The following KLF8 variants were observed in gnomAD, a reference collection of about 807,000 sequenced individuals.
The protein encoded by KLF8 is KLF transcription factor 8, also known as Krueppel-like factor 8.
KLF8 carries 10 observed loss-of-function variants against 18.2 expected under a neutral mutation model. That is an observed-to-expected ratio of 0.55 (90% CI 0.34 to 0.93). KLF8 has a LOEUF of 0.93. Ranked by LOEUF, KLF8 falls within the 40% of genes least tolerant of loss-of-function variation. The pLI is 0.02. For missense variants in KLF8, 264 were observed against 277.9 expected, an observed-to-expected ratio of 0.95 and a Z score of 0.36; for synonymous variants, 109 against 97.3, an observed-to-expected ratio of 1.12 and a Z score of -0.71.
At chrX:56,106,933 TC>T in the KLF8 span, among the ~76,000 whole-genome samples, 1 of 112,233 alleles carries the variant, frequency 8.9e-6, no homozygotes, top group Non-Finnish European at 1.9e-5. Context: ...TTGATGCTAT[TC>T]CTTTCTGTTT....
At chrX:56,149,852 C>A in the KLF8 span, among the ~76,000 whole-genome samples, 3 of 110,836 alleles carry the variant, frequency 2.7e-5, no homozygotes, top group Admixed American at 2.9e-4. Flanking sequence ...CCTTTAGAGT[C>A]ACAGAGACAC....
chrX:56,132,255 A>G, the KLF8 span, among the ~76,000 whole-genome samples: 1 of 111,879 alleles, frequency 8.9e-6, no homozygotes, highest in Non-Finnish European at 1.9e-5. Flanking sequence ...AAGTCTCATT[A>G]AATTTAAGAA....
the KLF8 span, among the ~76,000 whole-genome samples, chrX:56,175,446 A>T: frequency 1.8e-5 from 2 of 111,964 alleles, no homozygotes; most frequent in Non-Finnish European, 3.8e-5. Flanking sequence ...GTTTGATTGC[A>T]CTGTGGTCTG....
chrX:55,911,445 A>G, the KLF8 span, among the ~76,000 whole-genome samples: 2 of 112,616 alleles, frequency 1.8e-5, no homozygotes, highest in African/African-American at 6.4e-5. Flanking sequence ...AGGAAATATT[A>G]CAAGATTTTG....
At chrX:56,104,662 C>A in the KLF8 span, among the ~76,000 whole-genome samples, 13,976 of 110,883 alleles carry the variant, frequency 0.13, 1,618 homozygotes, top group African/African-American at 0.37. Context: ...TTTCAAAAAA[C>A]CAGCTCCTGG....
chrX:56,137,578 G>A, the KLF8 span, among the ~76,000 whole-genome samples: 1 of 91,254 alleles, frequency 1.1e-5, no homozygotes, highest in South Asian at 6.3e-4. Context: ...ACACAGGAAG[G>A]GGAACATCAC....
At chrX:56,172,278 C>T in the KLF8 span, among the ~76,000 whole-genome samples, 5 of 110,442 alleles carry the variant, frequency 4.5e-5, no homozygotes, top group Admixed American at 4.9e-4. Context: ...CACAACAGGC[C>T]CCGGTATGTG....
chrX:56,012,087 T>C, the KLF8 span, among the ~76,000 whole-genome samples: 1 of 111,807 alleles, frequency 8.9e-6, no homozygotes, highest in African/African-American at 3.3e-5. Flanking sequence ...GAGTGACCCC[T>C]CCCTAACTCA....
chrX:56,090,694 T>C, the KLF8 span, among the ~76,000 whole-genome samples: 1 of 111,485 alleles, frequency 9.0e-6, no homozygotes, highest in Non-Finnish European at 1.9e-5. Flanking sequence ...CATTCAGGTT[T>C]ATTACGTGGA....
rs2067322883 is a variant in KLF8, at chrX:56,291,530, A to C, written c.*7036A>C. ...TAATAAAAAGGTCTTAAACTTCAGA[A>C]ATCATGGCCATTTTCTTGACTTTGT... On this transcript the variant is annotated 3_prime_UTR_variant, in exon 6 of 6. Transcript: ENST00000468660. Among the ~76,000 whole-genome samples, 1 of 112,105 alleles carries C rather than the reference A, an allele frequency of 8.9e-6. No homozygotes were observed. Among genetic ancestry groups the C allele is most frequent in the African/African-American group, 3.2e-5 (1 of 30,846 alleles).
chrX:55,953,135 G>C, the KLF8 span, among the ~76,000 whole-genome samples: 1 of 111,446 alleles, frequency 9.0e-6, no homozygotes, highest in Non-Finnish European at 1.9e-5. Context: ...TCACACTACA[G>C]GTACAGTAGT....
the KLF8 span, among the ~76,000 whole-genome samples, chrX:56,210,394 A>G: frequency 8.9e-6 from 1 of 111,935 alleles, no homozygotes; most frequent in Non-Finnish European, 1.9e-5. Flanking sequence ...TCCACTGAAA[A>G]GTCTTCTGCC....
the KLF8 span, among the ~76,000 whole-genome samples, chrX:56,186,138 G>T: frequency 8.9e-6 from 1 of 111,980 alleles, no homozygotes; most frequent in Admixed American, 9.5e-5. Context: ...CCCATCTCAT[G>T]TGCAGAGACA....
At chrX:56,020,875 A>G in the KLF8 span, among the ~76,000 whole-genome samples, 1 of 111,922 alleles carries the variant, frequency 8.9e-6, no homozygotes, top group South Asian at 3.8e-4. Flanking sequence ...TGAACTAATC[A>G]CCATTCCAAT....
intron 2 of KLF8, among the ~76,000 whole-genome samples, chrX:56,254,136 G>T (rs994635347): frequency 9.0e-6 from 1 of 111,533 alleles, no homozygotes; most frequent in Admixed American, 9.5e-5. Context: ...TTGGTATTTT[G>T]ATAGGGATTT....
At chrX:56,124,403 T>C in the KLF8 span, among the ~76,000 whole-genome samples, 1 of 112,249 alleles carries the variant, frequency 8.9e-6, no homozygotes, top group African/African-American at 3.2e-5. Context: ...TAACAGAGTC[T>C]AGATTTGCAT....
chrX:56,168,692 T>C, the KLF8 span, among the ~76,000 whole-genome samples: 1 of 99,687 alleles, frequency 1.0e-5, no homozygotes, highest in Non-Finnish European at 2.0e-5. Context: ...GTTCCCTGTC[T>C]TGTGTCCAAG....
the KLF8 span, among the ~76,000 whole-genome samples, chrX:55,985,835 G>A: frequency 9.0e-6 from 1 of 110,616 alleles, no homozygotes; most frequent in Non-Finnish European, 1.9e-5. Context: ...TCCCCTTCAA[G>A]AGGTCCTTCG....
At chrX:55,979,927 A>T in the KLF8 span, among the ~76,000 whole-genome samples, 2 of 112,053 alleles carry the variant, frequency 1.8e-5, no homozygotes, top group East Asian at 5.6e-4. Context: ...AGGTTCTGTG[A>T]TGCTTCTTTG....
Sources: gnomAD v4.1 joint callset for allele counts (sites outside exome capture counted in the v4.1 genomes callset) on GRCh38, gnomAD v4.1.1 for gene constraint, MANE v1.5 for transcripts, NCBI Gene and HGNC (gene_info 2026-07-23, HGNC 2026-07-21) for gene names.